Variants in RABL2B observed in about 807,000 individuals in gnomAD.
The protein encoded by RABL2B is rab-like protein 2B.
In RABL2B, 17 loss-of-function variants were observed where a neutral mutation model predicts 26.7. That is an observed-to-expected ratio of 0.64 (90% CI 0.44 to 0.95). The LOEUF (loss-of-function observed/expected upper bound fraction) is 0.95. RABL2B is among the 40% of genes least tolerant of loss of function. The pLI is 0.00. For synonymous variants in RABL2B, 70 were observed against 103.9 expected (o/e 0.67, Z 1.99); for missense variants, 170 against 277.2 (o/e 0.61, Z 2.75).
chr22:50,774,466 C>T (rs1359287744), intron 5 of RABL2B, among the ~76,000 whole-genome samples: 3 of 150,016 alleles, frequency 2.0e-5, no homozygotes, highest in Non-Finnish European at 4.4e-5. Context: ...TGCGAAGAAA[C>T]ACGGGGAGTA....
At chr22:50,771,366 T>G (rs1164630492) in intron 5 of RABL2B, 3 of 150,032 alleles carry the variant, frequency 2.0e-5, no homozygotes, top group Non-Finnish European at 4.4e-5. Flanking sequence ...AACCTCCACT[T>G]CCTAGGTTCA....
rs5771009 is a variant in RABL2B at position 50,768,105 on chromosome 22, T to A, written c.*671A>T. ...CCGTCTCTACTAAAAATACAAAAATTAGCTGGGCGTGGTGATGCCAGCCAC... is the reference window on the plus strand; with the variant it reads ...CCGTCTCTACTAAAAATACAAAAATAAGCTGGGCGTGGTGATGCCAGCCAC... On this transcript the variant is annotated 3_prime_UTR_variant, in exon 9 of 9. Coordinates refer to ENST00000691320, the MANE Select transcript of RABL2B (RefSeq NM_001130919.3). 1 of 189,250 alleles carries A rather than the reference T, an allele frequency of 5.3e-6. No homozygotes were observed. Among genetic ancestry groups the A allele is most frequent in the African/African-American group, 2.4e-5 (1 of 40,938 alleles). The allele number at this position is 189,250 out of a possible 1,614,324, so 11.7% of individuals were successfully genotyped here. A position where few individuals can be genotyped will look rare whatever the true frequency, so the allele number is the denominator to read the frequency against.
In RABL2B at chr22:50,768,555, C is replaced by T. The variant is rs2083691998; in HGVS notation, c.*221G>A. 2 of 1,148,652 alleles carry T rather than the reference C, an allele frequency of 1.7e-6. No individual in the cohort carries two copies. The highest frequency in any genetic ancestry group is 1.6e-5 in the South Asian group (1 of 61,222). The allele number at this position is 1,148,652 out of a possible 1,614,324, so 71.2% of individuals were successfully genotyped here. Reference sequence around the variant, plus strand: ...TTAATGATGCTGATCCCTACTTCTGCTTCAAGGAGATCTGGTGGGGAATTC... The same window carrying T: ...TTAATGATGCTGATCCCTACTTCTGTTTCAAGGAGATCTGGTGGGGAATTC... On this transcript the variant is annotated 3_prime_UTR_variant, in exon 9 of 9. Transcript: ENST00000691320.
intron 5 of RABL2B, chr22:50,772,573 G>A: frequency 1.0e-6 from 1 of 996,276 alleles, no homozygotes. Flanking sequence ...CCAGCTATTT[G>A]TGCAAGCAAC....
intron 3 of RABL2B, 152 bp downstream of exon 3, chr22:50,777,800 G>A (rs1230989468): frequency 1.8e-5 from 22 of 1,205,554 alleles, no homozygotes; most frequent in African/African-American, 1.1e-4. Context: ...TGGGTCAATC[G>A]GCAAGAAACA....
intron 5 of RABL2B, among the ~76,000 whole-genome samples, chr22:50,773,817 G>A (rs565415313): frequency 5.3e-5 from 8 of 151,902 alleles, no homozygotes; most frequent in African/African-American, 1.9e-4. Context: ...AGGTAAGGCC[G>A]TGCGTATTTA....
rs2084441383 is a variant in RABL2B, at chr22:50,773,189, C to T, written c.297+2583G>A. 6 of 1,255,204 alleles carry T rather than the reference C, an allele frequency of 4.8e-6. No individual in the cohort carries two copies. The South Asian group carries it at 8.3e-5, about 17-fold the overall frequency. The allele number at this position is 1,255,204 out of a possible 1,614,324, so 77.8% of individuals were successfully genotyped here. A position where few individuals can be genotyped will look rare whatever the true frequency, so the allele number is the denominator to read the frequency against. On this transcript the variant is annotated intron_variant, in intron 5 of 8. Coordinates refer to ENST00000691320, the MANE Select transcript of RABL2B (RefSeq NM_001130919.3). Reference sequence around the variant, plus strand: ...AAACCAAACTGGCTAGGACCAAGCTCCTCTGCTCTTGAGGGTCAGACTTCT... The same window carrying T: ...AAACCAAACTGGCTAGGACCAAGCTTCTCTGCTCTTGAGGGTCAGACTTCT...
intron 2 of RABL2B, among the ~76,000 whole-genome samples, chr22:50,778,379 G>C (rs1449845653): frequency 2.0e-5 from 3 of 151,712 alleles, no homozygotes; most frequent in Admixed American, 2.0e-4. Flanking sequence ...TTGGGAGGCC[G>C]AGAGCAGCCT....
At chr22:50,779,881 T>C (rs1484946319) in intron 2 of RABL2B, among the ~76,000 whole-genome samples, 1 of 152,146 alleles carries the variant, frequency 6.6e-6, no homozygotes, top group Non-Finnish European at 1.5e-5. Flanking sequence ...CTCAGGAGGC[T>C]GAGGCATGAG....
intron 2 of RABL2B, among the ~76,000 whole-genome samples, chr22:50,781,630 C>G (rs1467962321): frequency 6.6e-6 from 1 of 152,140 alleles, no homozygotes; most frequent in African/African-American, 2.4e-5. Flanking sequence ...GACATGTGCC[C>G]TCAGCAGTCC....
chr22:50,770,341 T>G (rs2083955397), intron 5 of RABL2B: 1 of 327,584 alleles, frequency 3.1e-6, no homozygotes, highest in Non-Finnish European at 5.9e-6. Context: ...CATGGTGAAA[T>G]TCCGTCTCTA....
At chr22:50,771,801 GCT>G (rs2084227706) in intron 5 of RABL2B, 1 of 151,714 alleles carries the variant, frequency 6.6e-6, no homozygotes, top group Non-Finnish European at 1.5e-5. Context: ...GTAGAGATAA[GCT>G]CTCATTATAT....
rs372062323 is a variant in RABL2B, at chr22:50,783,547, G to A, written c.-100C>T. 7,370 of 152,296 alleles carry A rather than the reference G, an allele frequency of 0.048. 141 individuals are homozygous for A. The highest frequency in any genetic ancestry group is 0.069 in the Non-Finnish European group (4,712 of 68,004). 9.4% of individuals were successfully genotyped at this position (152,296 alleles called of 1,614,324 possible). On this transcript the variant is annotated 5_prime_UTR_variant, in exon 1 of 9. Transcript: ENST00000691320. The stretch of plus-strand genomic sequence containing the variant: ...GGAGAGACCAGGGACGCTGCGGGTC[G>A]GCCCCTCGGGCCCTGCCGCCAGTCT...
intron 5 of RABL2B, among the ~76,000 whole-genome samples, chr22:50,774,262 C>T (rs1284112720): frequency 6.6e-6 from 1 of 151,984 alleles, no homozygotes; most frequent in Non-Finnish European, 1.5e-5. Flanking sequence ...TTCTTTTAAC[C>T]ATATGATTCT....
chr22:50,774,044 G>A lies in RABL2B; in HGVS notation c.297+1728C>T, dbSNP rs571050170. On this transcript the variant is annotated intron_variant, in intron 5 of 8. Transcript: ENST00000691320. The stretch of plus-strand genomic sequence containing the variant: ...CCAGTAGCTAGGACTACAGGCGCCC[G>A]CTACCACGCCCGGCTAATTTTTTTG... Among the ~76,000 whole-genome samples the A allele has an allele frequency of 1.1e-3, 164 of 152,206 alleles. 1 individual carries two copies. The highest frequency in any genetic ancestry group is 3.7e-3 in the African/African-American group (154 of 41,528).
chr22:50,772,803 T>G lies in RABL2B; in HGVS notation c.298-2787A>C, dbSNP rs1191339236. On this transcript the variant is annotated intron_variant, in intron 5 of 8. Transcript: ENST00000691320. ...CCTCACACCAGGCTCAGATGCCTTTTGTCCAGGTCTGGTTTCCTGAGCATC... is the reference window on the plus strand; with the variant it reads ...CCTCACACCAGGCTCAGATGCCTTTGGTCCAGGTCTGGTTTCCTGAGCATC... 2.6e-6 allele frequency: 3 copies of G among 1,135,674 alleles called. No homozygotes were observed. In the African/African-American group the frequency reaches 4.8e-5, roughly 18 times the overall value. The allele number at this position is 1,135,674 out of a possible 1,614,324, so 70.3% of individuals were successfully genotyped here. A position where few individuals can be genotyped will look rare whatever the true frequency, so the allele number is the denominator to read the frequency against.
At chr22:50,780,661 C>A (rs149061920) in intron 2 of RABL2B, 4 of 470,650 alleles carry the variant, frequency 8.5e-6, no homozygotes, top group South Asian at 6.2e-5. Flanking sequence ...TCTGGGACAA[C>A]CTTTTGCCTG....
chr22:50,770,975 C>G (rs377519933), intron 5 of RABL2B, among the ~76,000 whole-genome samples: 193 of 141,154 alleles, frequency 1.4e-3, no homozygotes, highest in Middle Eastern at 3.6e-3. Flanking sequence ...CTCTTGGCCT[C>G]AAGGGATCCT....
chr22:50,778,339 G>A lies in RABL2B; in HGVS notation c.108-358C>T, dbSNP rs542830804. ...TTCAAAAGCCATTTCCCGGTCGGGC[G>A]CGGTGGCTCACGCCTGTAATCCCAG... On this transcript the variant is annotated intron_variant, in intron 2 of 8. Coordinates refer to ENST00000691320, the MANE Select transcript of RABL2B (RefSeq NM_001130919.3). Among the ~76,000 whole-genome samples the A allele has an allele frequency of 2.3e-3, 348 of 151,754 alleles. 1 individual carries two copies. Among genetic ancestry groups the A allele is most frequent in the Middle Eastern group, 0.017 (5 of 294 alleles).
Sources: gnomAD v4.1 joint callset for allele counts (sites outside exome capture counted in the v4.1 genomes callset) on GRCh38, gnomAD v4.1.1 for gene constraint, MANE v1.5 for transcripts, NCBI Gene and HGNC (gene_info 2026-07-23, HGNC 2026-07-21) for gene names.